RABGAP1L: variants seen among roughly 807,000 people sequenced by gnomAD.
RABGAP1L encodes the protein rab GTPase-activating protein 1-like.
RABGAP1L carries 63 observed loss-of-function variants against 137.7 expected under a neutral mutation model. The ratio of observed to expected loss-of-function variants is 0.46; its 90% CI spans 0.37 to 0.56. The LOEUF (loss-of-function observed/expected upper bound fraction) is 0.56, where lower values mean the gene tolerates loss of function less well. Ranked by LOEUF, RABGAP1L falls within the 20% of genes least tolerant of loss-of-function variation. The probability of loss-of-function intolerance (pLI) is 0.00; values close to 1 mark genes in which losing one functional copy is unlikely to be tolerated. For synonymous variants in RABGAP1L, 431 were observed against 433.7 expected (o/e 0.99, Z 0.08); for missense variants, 1,095 against 1,244.0 (o/e 0.88, Z 1.80).
chr1:174,814,795 T>A (rs1690217294), intron 19 of RABGAP1L, among the ~76,000 whole-genome samples: 1 of 152,062 alleles, frequency 6.6e-6, no homozygotes, highest in Non-Finnish European at 1.5e-5. Flanking sequence ...TTCAAGCAAT[T>A]CTCCTGCCTC....
intron 13 of RABGAP1L, among the ~76,000 whole-genome samples, chr1:174,636,681 A>G (rs1394546909): frequency 1.3e-5 from 2 of 152,208 alleles, no homozygotes; most frequent in Admixed American, 1.3e-4. Context: ...TGTCAGATTT[A>G]AAAATTAGAT....
chr1:174,374,149 G>C (rs1489518212), intron 12 of RABGAP1L, among the ~76,000 whole-genome samples: 2 of 152,184 alleles, frequency 1.3e-5, no homozygotes, highest in African/African-American at 4.8e-5. Flanking sequence ...CGTATGCATT[G>C]ATACCACAGC....
intron 11 of RABGAP1L, among the ~76,000 whole-genome samples, chr1:174,347,822 T>A (rs1442456940): frequency 6.6e-6 from 1 of 152,230 alleles, no homozygotes; most frequent in East Asian, 1.9e-4. Flanking sequence ...TAATTATAGC[T>A]CCTCCTGTTC....
chr1:174,813,399 A>G (rs991126921), intron 19 of RABGAP1L, among the ~76,000 whole-genome samples: 4 of 152,216 alleles, frequency 2.6e-5, no homozygotes, highest in Admixed American at 2.0e-4. Flanking sequence ...ACTAGGAGAT[A>G]AGAGTCACCA....
At chr1:174,668,111 A>G (rs1676919850) in intron 14 of RABGAP1L, among the ~76,000 whole-genome samples, 1 of 152,132 alleles carries the variant, frequency 6.6e-6, no homozygotes. Context: ...ACATCCAAAA[A>G]CCTGCCACCT....
At chr1:174,276,138 T>C (rs1674980955) in intron 9 of RABGAP1L, among the ~76,000 whole-genome samples, 1 of 152,028 alleles carries the variant, frequency 6.6e-6, no homozygotes, top group Admixed American at 6.6e-5. Context: ...ATATGTGAAT[T>C]ATTATTATTG....
At chr1:174,983,281 CT>C (rs77325965) in intron 24 of RABGAP1L, among the ~76,000 whole-genome samples, 30,798 of 152,060 alleles carry the variant, frequency 0.2, 3,350 homozygotes, top group Admixed American at 0.24. Context: ...CCATCACTCT[CT>C]TTATAAGTAA....
intron 13 of RABGAP1L, among the ~76,000 whole-genome samples, chr1:174,418,689 T>C (rs550070528): frequency 1.3e-5 from 2 of 152,298 alleles, no homozygotes; most frequent in South Asian, 2.1e-4. Flanking sequence ...CATGAAAATA[T>C]GGCAGGAAAA....
At chr1:174,714,001 A>G (rs1680797984) in intron 17 of RABGAP1L, among the ~76,000 whole-genome samples, 2 of 152,160 alleles carry the variant, frequency 1.3e-5, no homozygotes, top group Admixed American at 1.3e-4. Flanking sequence ...TTCCCACTAA[A>G]TAAAACTCAC....
At chr1:174,800,457 T>C in intron 18 of RABGAP1L, 2 of 1,550,936 alleles carry the variant, frequency 1.3e-6, no homozygotes, top group South Asian at 1.2e-5. Flanking sequence ...GTGCTGGAAC[T>C]TCTGGGGATG....
intron 17 of RABGAP1L, among the ~76,000 whole-genome samples, chr1:174,735,043 G>A (rs574129759): frequency 4.3e-4 from 61 of 142,072 alleles, no homozygotes; most frequent in African/African-American, 1.3e-3. Context: ...GCTTACTGCC[G>A]CCTCAAATTC....
chr1:174,886,426 G>A (rs1172686024), intron 19 of RABGAP1L, among the ~76,000 whole-genome samples: 1 of 152,176 alleles, frequency 6.6e-6, no homozygotes, highest in Non-Finnish European at 1.5e-5. Flanking sequence ...AGGATTTACA[G>A]CAAACAAAAC....
rs188894750 is a variant in RABGAP1L, at chr1:174,223,843, A to G, written c.331+2679A>G. 1.2e-4 allele frequency among the ~76,000 whole-genome samples: 18 copies of G among 152,312 alleles called. No individual in the cohort carries two copies. The East Asian group carries it at 3.1e-3, about 26-fold the overall frequency. ...CTACAGAGTTACAGTGATTAAACCA[A>G]TGTGATATTGGCTTGTTATAGAAGT... On this transcript the variant is annotated intron_variant, in intron 3 of 25. Transcript: ENST00000681986.
At chr1:174,300,168 A>T (rs532085915) in intron 10 of RABGAP1L, among the ~76,000 whole-genome samples, 60 of 152,252 alleles carry the variant, frequency 3.9e-4, no homozygotes, top group African/African-American at 1.4e-3. Context: ...ATACCTAAAC[A>T]TGTCAAATAA....
intron 13 of RABGAP1L, among the ~76,000 whole-genome samples, chr1:174,488,782 A>ATTG (rs986826086): frequency 6.6e-6 from 1 of 151,494 alleles, no homozygotes; most frequent in African/African-American, 2.4e-5. Context: ...TTTTATTATT[A>ATTG]TATTTTAAGT....
intron 14 of RABGAP1L, among the ~76,000 whole-genome samples, chr1:174,676,661 G>T (rs939778799): frequency 3.3e-5 from 5 of 152,232 alleles, no homozygotes; most frequent in African/African-American, 1.2e-4. Flanking sequence ...TTATATTTTG[G>T]TGACTGCTTC....
chr1:174,964,180 A>G (rs1239543542), intron 20 of RABGAP1L, among the ~76,000 whole-genome samples: 1 of 152,200 alleles, frequency 6.6e-6, no homozygotes, highest in African/African-American at 2.4e-5. Flanking sequence ...GGTATCCAAA[A>G]GAAAATATGT....
chr1:174,536,197 CAG>C (rs1412938168), intron 13 of RABGAP1L, among the ~76,000 whole-genome samples: 2 of 149,170 alleles, frequency 1.3e-5, no homozygotes, highest in African/African-American at 2.5e-5. Flanking sequence ...ATTCCAGTGT[CAG>C]GGGAAAAAAA....
At chr1:174,939,475 G>C (rs1198771096) in intron 19 of RABGAP1L, among the ~76,000 whole-genome samples, 1 of 150,796 alleles carries the variant, frequency 6.6e-6, no homozygotes, top group Non-Finnish European at 1.5e-5. Context: ...AGAATTGCTT[G>C]AACCCAAGAA....
Sources: gnomAD v4.1 joint callset for allele counts (sites outside exome capture counted in the v4.1 genomes callset) on GRCh38, gnomAD v4.1.1 for gene constraint, MANE v1.5 for transcripts, NCBI Gene and HGNC (gene_info 2026-07-23, HGNC 2026-07-21) for gene names.